The following CRBN variants were observed in gnomAD, a reference collection of about 807,000 sequenced individuals.
CRBN encodes protein cereblon.
CRBN carries 53 observed loss-of-function variants against 62.2 expected under a neutral mutation model. That is an observed-to-expected ratio of 0.85 (90% confidence interval 0.68 to 1.07). The LOEUF is 1.07. Ranked by LOEUF, CRBN falls within the 50% of genes least tolerant of loss-of-function variation. The pLI, the probability that CRBN is intolerant of heterozygous loss-of-function variation, is 0.00. For synonymous variants in CRBN, 208 were observed against 176.1 expected (o/e 1.18, Z -1.43); for missense variants, 616 against 531.1 (o/e 1.16, Z -1.57).
At chr3:3,173,802 T>A in intron 3 of CRBN, 1 of 503,164 alleles carries the variant, frequency 2.0e-6, no homozygotes, top group Non-Finnish European at 3.6e-6. Context: ...TCATCAAATA[T>A]AAATGATTAA....
intron 4 of CRBN, among the ~76,000 whole-genome samples, chr3:3,171,473 C>T (rs1407345366): frequency 3.3e-5 from 5 of 151,724 alleles, no homozygotes. Context: ...AAGTCTTGGT[C>T]ATTGTTCTCA....
At chr3:3,177,781 T>A (rs1707885406) in intron 1 of CRBN, among the ~76,000 whole-genome samples, 2 of 152,246 alleles carry the variant, frequency 1.3e-5, no homozygotes, top group Non-Finnish European at 2.9e-5. Flanking sequence ...CAGTTATGTT[T>A]ATTAATGTTT....
intron 5 of CRBN, among the ~76,000 whole-genome samples, chr3:3,164,005 T>TA (rs1256407595): frequency 6.6e-6 from 1 of 152,216 alleles, no homozygotes; most frequent in African/African-American, 2.4e-5. Flanking sequence ...TTTGATGTTA[T>TA]TACTGTAACT....
chr3:3,153,285 G>C (rs549905148), intron 9 of CRBN, 139 bp downstream of exon 9: 1 of 614,386 alleles, frequency 1.6e-6, no homozygotes, highest in African/African-American at 1.9e-5. Context: ...CTTAGCAAAA[G>C]TGAGCTAATT....
In CRBN at chr3:3,152,576, C is replaced by A. The variant is rs779192839; in HGVS notation, c.1028G>T (p.Cys343Phe). 9 of 1,613,894 alleles carry A rather than the reference C, an allele frequency of 5.6e-6. No individual in the cohort carries two copies. The highest frequency in any genetic ancestry group is 7.6e-6 in the Non-Finnish European group (9 of 1,180,006). Residue 343 changes from cysteine (C) to phenylalanine (F), a missense_variant, in exon 10 of 11, where the codon TGT (cysteine) becomes TTT (phenylalanine). Transcript: ENST00000231948. ...ATTCACATAAGCTGCCATCGGCCCA[C>A]ATAAGGATAAACTAAAACAAAGAAT... ...TKNEIFSLSL[C>F]GPMAAYVNPH...
intron 1 of CRBN, among the ~76,000 whole-genome samples, chr3:3,177,474 C>T (rs1559259634): frequency 6.6e-6 from 1 of 152,152 alleles, no homozygotes; most frequent in Non-Finnish European, 1.5e-5. Context: ...TACAAATTTT[C>T]CTTGGAACAT....
intron 1 of CRBN, among the ~76,000 whole-genome samples, chr3:3,179,319 A>G (rs1215966119): frequency 6.6e-6 from 1 of 152,182 alleles, no homozygotes; most frequent in Non-Finnish European, 1.5e-5. Context: ...CTAGTTTCAG[A>G]GCATTTCCTA....
intron 5 of CRBN, among the ~76,000 whole-genome samples, chr3:3,162,085 C>T (rs994868009): frequency 1.3e-5 from 2 of 152,168 alleles, no homozygotes; most frequent in East Asian, 1.9e-4. Context: ...CCCTGCTCTA[C>T]GCAATAAACA....
rs959958369 is a variant in CRBN, at chr3:3,150,979, G to A, written c.1215C>T (p.Thr405=). 3.1e-6 allele frequency: 5 copies of A among 1,613,800 alleles called. No homozygotes were observed. The South Asian group carries it at 3.3e-5, about 11-fold the overall frequency. The part of the protein sequence containing the change: ...ASHIGWKFTA[T]KKDMSPQKFW... ...ATTTTTGAGGTGACATGTCTTTTTT[G>A]GTGGCCGTAAACTTCCATCCAATAT... The change falls in exon 11 of 11, where the codon ACC becomes ACT. Residue 405 remains threonine, a synonymous_variant. Coordinates refer to ENST00000231948, the MANE Select transcript of CRBN (RefSeq NM_016302.4).
intron 4 of CRBN, among the ~76,000 whole-genome samples, chr3:3,169,013 T>C (rs1422065776): frequency 6.6e-6 from 1 of 152,240 alleles, no homozygotes; most frequent in African/African-American, 2.4e-5. Flanking sequence ...GGTAAAAGTA[T>C]ATACCATCCT....
At chr3:3,155,096 C>G (rs999382935) in intron 6 of CRBN, 3 of 485,298 alleles carry the variant, frequency 6.2e-6, no homozygotes, top group Non-Finnish European at 1.1e-5. Flanking sequence ...TTGTTCTGTT[C>G]TATGCCCCTG....
chr3:3,152,893 G>A, intron 9 of CRBN: 1 of 413,236 alleles, frequency 2.4e-6, no homozygotes, highest in South Asian at 2.5e-5. Flanking sequence ...TTCTAAAGGA[G>A]TCTGAGAGTG....
At chr3:3,171,496 A>G (rs1707612440) in intron 4 of CRBN, among the ~76,000 whole-genome samples, 1 of 152,070 alleles carries the variant, frequency 6.6e-6, no homozygotes, top group Non-Finnish European at 1.5e-5. Context: ...CAGCTTATCT[A>G]TTGAGGGAGA....
At chr3:3,165,362 C>T (rs149622157) in intron 5 of CRBN, among the ~76,000 whole-genome samples, 196 of 152,276 alleles carry the variant, frequency 1.3e-3, no homozygotes, top group African/African-American at 3.9e-3. Context: ...TATCAAACAG[C>T]GCCGCATGCT....
downstream of CRBN, chr3:3,149,968 A>AAATT (rs754848818): frequency 1.3e-5 from 2 of 152,166 alleles, no homozygotes; most frequent in African/African-American, 2.4e-5. Context: ...TAGAACTTTA[A>AAATT]AATTATGAGT....
At chr3:3,174,576 G>A (rs916375070) in intron 2 of CRBN, among the ~76,000 whole-genome samples, 1 of 152,136 alleles carries the variant, frequency 6.6e-6, no homozygotes, top group Non-Finnish European at 1.5e-5. Flanking sequence ...GGAAGGTGGA[G>A]GCTGCAGTGA....
chr3:3,171,711 C>T (rs1281120985), intron 4 of CRBN, among the ~76,000 whole-genome samples: 3 of 152,106 alleles, frequency 2.0e-5, no homozygotes, highest in Non-Finnish European at 4.4e-5. Flanking sequence ...TAGGAACGCC[C>T]ACCATGTGAA....
chr3:3,169,491 C>A (rs1174145065), intron 4 of CRBN, among the ~76,000 whole-genome samples: 1 of 152,036 alleles, frequency 6.6e-6, no homozygotes, highest in African/African-American at 2.4e-5. Flanking sequence ...AAAAACCGCA[C>A]AAATCTGGAA....
chr3:3,174,218 T>A lies in CRBN; in HGVS notation c.218A>T (p.His73Leu), dbSNP rs1429956875. 1 of 1,614,182 alleles carries A rather than the reference T, an allele frequency of 6.2e-7. No individual in the cohort carries two copies. The highest frequency in any genetic ancestry group is 1.7e-5 in the Admixed American group (1 of 60,024). The change falls in exon 3 of 11, where the codon CAC (histidine) becomes CTC (leucine). Residue 73 changes from histidine to leucine, a missense_variant. Coordinates refer to ENST00000231948, the MANE Select transcript of CRBN (RefSeq NM_016302.4). ...DMEEFHGRTL[H>L]DDDSCQVIPV... ...AATCACCTGACAGCTGTCGTCATCG[T>A]GCAAAGTCCTGCCATGAAATTCTTC...
Sources: allele counts gnomAD v4.1 joint callset (sites outside exome capture counted in the v4.1 genomes callset), GRCh38; gene constraint gnomAD v4.1.1; transcripts MANE v1.5; gene names NCBI Gene and HGNC (gene_info 2026-07-23, HGNC 2026-07-21).